Variants in CBLN2 observed in about 807,000 individuals in gnomAD.
CBLN2 encodes cerebellin-2.
A neutral mutation model predicts 15.0 loss-of-function variants in CBLN2; 7 were observed. That is an observed-to-expected ratio of 0.47 (90% confidence interval 0.27 to 0.88). CBLN2 has a LOEUF of 0.88. Among genes scored for constraint, CBLN2 ranks in the 40% least tolerant of loss-of-function variants. CBLN2 has a pLI of 0.14. For missense variants in CBLN2, 242 were observed against 304.5 expected (o/e 0.79, Z 1.53); for synonymous variants, 149 against 135.2 (o/e 1.10, Z -0.71).
chr18:72,606,182 C>T (rs1198720550), intron 1 of CBLN2, among the ~76,000 whole-genome samples: 6 of 152,012 alleles, frequency 3.9e-5, no homozygotes, highest in Non-Finnish European at 8.8e-5. Flanking sequence ...CTTTTTTTGC[C>T]TTTTATTCCA....
intron 1 of CBLN2, among the ~76,000 whole-genome samples, chr18:72,549,384 A>AT (rs1243637989): frequency 4.6e-5 from 7 of 152,128 alleles, no homozygotes; most frequent in South Asian, 2.1e-4. Context: ...GCAAAGATCT[A>AT]TTTTTTTCTA....
chr18:72,554,310 G>T lies in CBLN2; in HGVS notation c.16-15538C>A, dbSNP rs376338434. 3.8e-4 allele frequency among the ~76,000 whole-genome samples: 58 copies of T among 151,748 alleles called. 1 individual carries two copies. Among genetic ancestry groups the T allele is most frequent in the East Asian group, 2.1e-3 (11 of 5,172 alleles). ...AAAGTGACAAGAATAATTTTTAAGA[G>T]AAAAATAAACATTTTCTTTAACCGG... On this transcript the variant is annotated intron_variant, in intron 1 of 2. Transcript: ENST00000581073.
upstream of CBLN2, among the ~76,000 whole-genome samples, chr18:72,548,998 C>CTTAT (rs540191284): frequency 1.3e-3 from 199 of 152,074 alleles, no homozygotes; most frequent in African/African-American, 2.8e-3. Flanking sequence ...TTCCTTCTTT[C>CTTAT]TTATTTATTT....
At chr18:72,561,025 G>T (rs993826234) in intron 1 of CBLN2, among the ~76,000 whole-genome samples, 10 of 151,730 alleles carry the variant, frequency 6.6e-5, no homozygotes, top group Admixed American at 5.3e-4. Context: ...AATAAAGAAA[G>T]AAAAATAAAA....
chr18:72,561,125 T>TATATATAC (rs1275950230), intron 1 of CBLN2, among the ~76,000 whole-genome samples: 1 of 151,558 alleles, frequency 6.6e-6, no homozygotes. Flanking sequence ...AAAAGCTATA[T>TATATATAC]ATATATACAT....
At chr18:72,618,404 G>C in intron 1 of CBLN2, 1 of 586,306 alleles carries the variant, frequency 1.7e-6, no homozygotes, top group Non-Finnish European at 3.2e-6. Context: ...AGGCGGTCTT[G>C]AGAGATCCAA....
At chr18:72,633,254 G>A (rs955908895) in intron 1 of CBLN2, among the ~76,000 whole-genome samples, 10 of 152,084 alleles carry the variant, frequency 6.6e-5, no homozygotes, top group African/African-American at 2.2e-4. Flanking sequence ...CATCTGTGTT[G>A]TTAAAACACT....
chr18:72,613,284 C>T (rs1246814254), intron 1 of CBLN2, among the ~76,000 whole-genome samples: 1 of 152,056 alleles, frequency 6.6e-6, no homozygotes, highest in African/African-American at 2.4e-5. Flanking sequence ...TAAAAAGGGT[C>T]TTTCTTCTCT....
At chr18:72,619,339 G>T in intron 1 of CBLN2, 1 of 537,374 alleles carries the variant, frequency 1.9e-6, no homozygotes, top group Admixed American at 2.2e-5. Context: ...GGGCCTAGCT[G>T]CTACAAAGAA....
intron 1 of CBLN2, among the ~76,000 whole-genome samples, chr18:72,557,438 A>T (rs966630268): frequency 1.3e-5 from 2 of 152,182 alleles, no homozygotes; most frequent in African/African-American, 2.4e-5. Flanking sequence ...TTTGTTCTAG[A>T]TCTCTGAGGA....
intron 1 of CBLN2, among the ~76,000 whole-genome samples, chr18:72,633,381 C>G (rs2069789903): frequency 6.6e-6 from 1 of 152,184 alleles, no homozygotes; most frequent in Non-Finnish European, 1.5e-5. Flanking sequence ...TTACTCACCA[C>G]TTTCCCAAGA....
At chr18:72,638,007 G>C (rs773008408) in intron 1 of CBLN2, among the ~76,000 whole-genome samples, 44 of 152,188 alleles carry the variant, frequency 2.9e-4, no homozygotes, top group Non-Finnish European at 5.0e-4. Context: ...TCCCAAGACT[G>C]TGGTAGGAAA....
In CBLN2 at chr18:72,550,974, T is replaced by G. The variant is rs189894976; in HGVS notation, c.16-12202A>C. Among the ~76,000 whole-genome samples the G allele has an allele frequency of 1.4e-4, 21 of 152,256 alleles. No homozygotes were observed. In the East Asian group the frequency reaches 2.7e-3, roughly 20 times the overall value. ...TATGGTGCCTATATTGTGTCCTGTATGCCGATGGGTAATGCAGGGCACAGT... is the reference window on the plus strand; with the variant it reads ...TATGGTGCCTATATTGTGTCCTGTAGGCCGATGGGTAATGCAGGGCACAGT... On this transcript the variant is annotated intron_variant, in intron 1 of 2. Coordinates refer to the CBLN2 transcript ENST00000581073.
At chr18:72,558,724 T>C (rs1224818238) in intron 1 of CBLN2, among the ~76,000 whole-genome samples, 1 of 152,202 alleles carries the variant, frequency 6.6e-6, no homozygotes, top group East Asian at 1.9e-4. Context: ...GGTAACTTTA[T>C]AAATATTTTC....
intron 3 of CBLN2, chr18:72,539,928 A>G (rs2069096416): frequency 2.6e-5 from 4 of 152,226 alleles, no homozygotes. Context: ...TTACACACTC[A>G]TTATAGATGA....
intron 1 of CBLN2, among the ~76,000 whole-genome samples, chr18:72,590,273 A>G (rs1338564435): frequency 6.6e-6 from 1 of 150,384 alleles, no homozygotes; most frequent in Non-Finnish European, 1.5e-5. Flanking sequence ...TCAAAAAAAC[A>G]AAAAACAAAA....
chr18:72,563,830 C>T (rs1424214591), intron 1 of CBLN2, among the ~76,000 whole-genome samples: 5 of 152,208 alleles, frequency 3.3e-5, no homozygotes, highest in Non-Finnish European at 7.3e-5. Context: ...AACATCCATA[C>T]AAACCCAGCA....
intron 1 of CBLN2, among the ~76,000 whole-genome samples, chr18:72,562,777 A>T (rs1204285043): frequency 1.3e-5 from 2 of 152,230 alleles, no homozygotes; most frequent in African/African-American, 4.8e-5. Context: ...TTATGTAAAA[A>T]TGTCTTCATG....
chr18:72,567,765 T>C (rs1360645156), intron 1 of CBLN2, among the ~76,000 whole-genome samples: 1 of 152,208 alleles, frequency 6.6e-6, no homozygotes, highest in Non-Finnish European at 1.5e-5. Flanking sequence ...TCCCATGCCT[T>C]CAGGCTCAGC....
Sources: gnomAD v4.1 joint callset for allele counts (sites outside exome capture counted in the v4.1 genomes callset) on GRCh38, gnomAD v4.1.1 for gene constraint, MANE v1.5 for transcripts, NCBI Gene and HGNC (gene_info 2026-07-23, HGNC 2026-07-21) for gene names.